The following SPMIP8 variants were observed in gnomAD, a reference collection of about 807,000 sequenced individuals.
SPMIP8 encodes the protein testicular tissue protein Li 196.
the SPMIP8 span, chr16:57,984,475 C>A: frequency 6.5e-7 from 1 of 1,528,836 alleles, no homozygotes; most frequent in Non-Finnish European, 9.0e-7. Context: ...CTTGGGACTC[C>A]CGCTCCCCAC....
chr16:57,982,578 A>T, the SPMIP8 span, among the ~76,000 whole-genome samples: 2 of 152,238 alleles, frequency 1.3e-5, no homozygotes, highest in Non-Finnish European at 2.9e-5. Flanking sequence ...AGAATCTTTC[A>T]CAGGCGACAG....
the SPMIP8 span, chr16:57,987,396 T>G: frequency 6.3e-7 from 1 of 1,596,900 alleles, no homozygotes; most frequent in Non-Finnish European, 8.5e-7. Context: ...CTCTCCACAG[T>G]CGTGTCAACT....
At chr16:57,987,419 G>A in the SPMIP8 span, 1 of 1,597,154 alleles carries the variant, frequency 6.3e-7, no homozygotes, top group Non-Finnish European at 8.5e-7. Flanking sequence ...CTGACCCCCT[G>A]GCATTAATCT....
chr16:57,984,946 C>T, the SPMIP8 span: 1 of 1,274,152 alleles, frequency 7.8e-7, no homozygotes, highest in African/African-American at 1.5e-5. Flanking sequence ...GAAGCTGTGG[C>T]ACTTGCGGTG....
chr16:57,978,060 TC>T, the SPMIP8 span: 4 of 1,603,640 alleles, frequency 2.5e-6, no homozygotes, highest in South Asian at 4.4e-5. Context: ...CAGTGTAGGA[TC>T]CCCTTTGGGG....
At chr16:57,979,534 A>G in the SPMIP8 span, among the ~76,000 whole-genome samples, 1 of 152,176 alleles carries the variant, frequency 6.6e-6, no homozygotes, top group South Asian at 2.1e-4. Context: ...TCTGATGTAG[A>G]TATGTATTTT....
At chr16:57,984,343 C>T in the SPMIP8 span, 2 of 1,614,214 alleles carry the variant, frequency 1.2e-6, no homozygotes, top group African/African-American at 1.3e-5. Context: ...TTGGGGTCCC[C>T]AACAAACCCC....
chr16:57,982,360 T>C, the SPMIP8 span, among the ~76,000 whole-genome samples: 1 of 152,228 alleles, frequency 6.6e-6, no homozygotes, highest in African/African-American at 2.4e-5. Flanking sequence ...GTTATGTCTT[T>C]TGTCTTAGTC....
chr16:57,987,912 T>C, the SPMIP8 span: 1 of 153,656 alleles, frequency 6.5e-6, no homozygotes, highest in Non-Finnish European at 1.4e-5. Context: ...ACTGGTGTGC[T>C]CTGGGGGGCT....
the SPMIP8 span, chr16:57,985,878 T>A: frequency 9.4e-6 from 15 of 1,596,556 alleles, no homozygotes; most frequent in Non-Finnish European, 1.1e-5. Context: ...CCCCTTCCCA[T>A]CTCGTGCTCA....
chr16:57,978,968 A>AG, the SPMIP8 span, among the ~76,000 whole-genome samples: 1 of 152,140 alleles, frequency 6.6e-6, no homozygotes, highest in Non-Finnish European at 1.5e-5. Context: ...GTGCAGTGGT[A>AG]GGAGTCATAA....
the SPMIP8 span, among the ~76,000 whole-genome samples, chr16:57,980,613 T>C: frequency 6.6e-6 from 1 of 152,326 alleles, no homozygotes; most frequent in Admixed American, 6.5e-5. Flanking sequence ...ATTGCTTATC[T>C]CAAGTCCAGG....
At chr16:57,979,529 T>C in the SPMIP8 span, among the ~76,000 whole-genome samples, 1 of 152,310 alleles carries the variant, frequency 6.6e-6, no homozygotes, top group Non-Finnish European at 1.5e-5. Context: ...AAAGCTCTGA[T>C]GTAGATATGT....
chr16:57,979,288 G>C, the SPMIP8 span, among the ~76,000 whole-genome samples: 2 of 152,188 alleles, frequency 1.3e-5, no homozygotes, highest in Non-Finnish European at 2.9e-5. Context: ...ACCGCACGGA[G>C]ATTACCAGAG....
chr16:57,978,909 G>C, the SPMIP8 span, among the ~76,000 whole-genome samples: 2 of 152,174 alleles, frequency 1.3e-5, no homozygotes, highest in African/African-American at 4.8e-5. Context: ...GAGCCACTGT[G>C]CCTAGCCTGT....
chr16:57,982,649 T>C, the SPMIP8 span, among the ~76,000 whole-genome samples: 2 of 152,232 alleles, frequency 1.3e-5, no homozygotes, highest in African/African-American at 4.8e-5. Context: ...ACATTATTTG[T>C]GATGCTAAGT....
At chr16:57,987,299 G>A in the SPMIP8 span, 6,147 of 1,283,596 alleles carry the variant, frequency 4.8e-3, 24 homozygotes, top group Non-Finnish European at 5.7e-3. Flanking sequence ...ATAGAGGCTG[G>A]CTGGAAGCTG....
At chr16:57,979,384 G>T in the SPMIP8 span, among the ~76,000 whole-genome samples, 1 of 152,144 alleles carries the variant, frequency 6.6e-6, no homozygotes, top group Non-Finnish European at 1.5e-5. Flanking sequence ...GGGAAAAGGG[G>T]CACCCACACC....
chr16:57,977,925 G>C, the SPMIP8 span: 1 of 1,614,144 alleles, frequency 6.2e-7, no homozygotes, highest in East Asian at 2.2e-5. Context: ...GCTGGCGGGC[G>C]TGAAGCAGCA....
Sources: gnomAD v4.1 joint callset for allele counts (sites outside exome capture counted in the v4.1 genomes callset) on GRCh38, gnomAD v4.1.1 for gene constraint, MANE v1.5 for transcripts, NCBI Gene and HGNC (gene_info 2026-07-23, HGNC 2026-07-21) for gene names.